RANBP2: variants seen among roughly 807,000 people sequenced by gnomAD.
The protein encoded by RANBP2 is E3 SUMO-protein ligase RanBP2.
In RANBP2, 57 loss-of-function variants were observed where a neutral mutation model predicts 303.6. That is an observed-to-expected ratio of 0.19 (90% CI 0.15 to 0.23). The LOEUF is 0.23. RANBP2 is among the 10% of genes least tolerant of loss of function. The pLI is 1.00. For synonymous variants in RANBP2, 1,167 were observed against 1,301.5 expected (o/e 0.90, Z 2.23); for missense variants, 3,138 against 3,780.8 (o/e 0.83, Z 4.46).
the RANBP2 span, among the ~76,000 whole-genome samples, chr2:109,259,779 A>G: frequency 6.6e-6 from 1 of 152,176 alleles, no homozygotes; most frequent in Non-Finnish European, 1.5e-5. Context: ...AGGGAGCTTT[A>G]TTCAGACAAG....
the RANBP2 span, among the ~76,000 whole-genome samples, chr2:109,007,487 A>T: frequency 6.6e-6 from 1 of 152,160 alleles, no homozygotes; most frequent in African/African-American, 2.4e-5. Context: ...AACTCATCCC[A>T]TATTTACTGC....
the RANBP2 span, among the ~76,000 whole-genome samples, chr2:109,445,905 CAT>C: frequency 6.6e-6 from 1 of 152,034 alleles, no homozygotes; most frequent in African/African-American, 2.4e-5. Flanking sequence ...ATACTAGGGA[CAT>C]AGAATGAACT....
chr2:108,809,371 T>A, the RANBP2 span, among the ~76,000 whole-genome samples: 1 of 152,090 alleles, frequency 6.6e-6, no homozygotes, highest in East Asian at 1.9e-4. Flanking sequence ...GGTATTTTAA[T>A]AAACATTATG....
chr2:109,444,926 T>A, the RANBP2 span, among the ~76,000 whole-genome samples: 357 of 151,998 alleles, frequency 2.3e-3, no homozygotes, highest in African/African-American at 8.0e-3. Flanking sequence ...GAATAACATA[T>A]ACACACACAA....
At chr2:109,130,928 G>T in the RANBP2 span, among the ~76,000 whole-genome samples, 1 of 152,124 alleles carries the variant, frequency 6.6e-6, no homozygotes, top group Non-Finnish European at 1.5e-5. Context: ...CCAGGAGAGA[G>T]GGCATGGGAT....
chr2:108,812,673 G>C, the RANBP2 span: 4 of 1,612,942 alleles, frequency 2.5e-6, no homozygotes, highest in Non-Finnish European at 3.4e-6. Context: ...AGACATTCAG[G>C]CTAAAAGAGT....
chr2:108,819,242 G>C, the RANBP2 span, among the ~76,000 whole-genome samples: 1 of 152,170 alleles, frequency 6.6e-6, no homozygotes, highest in Non-Finnish European at 1.5e-5. Flanking sequence ...CCTTCAAAAG[G>C]AGTGGAAAAG....
At chr2:108,775,370 CTCTT>C (rs2149310015) in intron 23 of RANBP2, among the ~76,000 whole-genome samples, 1 of 152,210 alleles carries the variant, frequency 6.6e-6, no homozygotes, top group African/African-American at 2.4e-5. Flanking sequence ...AAAGTAGAGT[CTCTT>C]TTTTTGCTGA....
At chr2:109,172,075 A>G in the RANBP2 span, among the ~76,000 whole-genome samples, 2 of 152,232 alleles carry the variant, frequency 1.3e-5, no homozygotes, top group Non-Finnish European at 2.9e-5. Context: ...GCACGAGGGA[A>G]AACTTGATAT....
At chr2:109,058,904 G>C in the RANBP2 span, among the ~76,000 whole-genome samples, 1 of 152,306 alleles carries the variant, frequency 6.6e-6, no homozygotes, top group African/African-American at 2.4e-5. Context: ...TTTCGCCTCT[G>C]CTGATAGCAC....
At chr2:109,274,765 A>G in the RANBP2 span, among the ~76,000 whole-genome samples, 3 of 152,294 alleles carry the variant, frequency 2.0e-5, no homozygotes, top group Admixed American at 6.5e-5. Context: ...TCACTTTAAA[A>G]TGGTTAATTT....
the RANBP2 span, among the ~76,000 whole-genome samples, chr2:109,320,625 T>G: frequency 6.6e-6 from 1 of 152,242 alleles, no homozygotes; most frequent in East Asian, 1.9e-4. Context: ...CCAAAATCAG[T>G]GCTGGATTCC....
chr2:109,680,496 C>T, the RANBP2 span, among the ~76,000 whole-genome samples: 2 of 152,080 alleles, frequency 1.3e-5, no homozygotes, highest in African/African-American at 4.8e-5. Flanking sequence ...TATGTAACAT[C>T]CCTGTGTCTC....
At chr2:109,371,214 C>T in the RANBP2 span, among the ~76,000 whole-genome samples, 1 of 152,194 alleles carries the variant, frequency 6.6e-6, no homozygotes, top group Admixed American at 6.5e-5. Flanking sequence ...CATGGCAAGA[C>T]ACCATCTCTA....
the RANBP2 span, among the ~76,000 whole-genome samples, chr2:109,445,426 A>G: frequency 1.3e-5 from 2 of 152,220 alleles, no homozygotes; most frequent in Non-Finnish European, 2.9e-5. Context: ...ATACTACAAA[A>G]CCTGCCAGAG....
chr2:109,326,460 A>G, the RANBP2 span, among the ~76,000 whole-genome samples: 1 of 152,168 alleles, frequency 6.6e-6, no homozygotes, highest in Non-Finnish European at 1.5e-5. Context: ...TTGCACTCCT[A>G]CCAGCAGTGG....
At chr2:108,783,117 T>C (rs1678369638) in intron 28 of RANBP2, among the ~76,000 whole-genome samples, 1 of 151,848 alleles carries the variant, frequency 6.6e-6, no homozygotes, top group Non-Finnish European at 1.5e-5. Flanking sequence ...GGCAGGCAGA[T>C]TGCTTGAGCC....
the RANBP2 span, among the ~76,000 whole-genome samples, chr2:109,474,561 T>G: frequency 4.6e-5 from 7 of 152,294 alleles, no homozygotes; most frequent in East Asian, 1.4e-3. Context: ...GCACGGGGCT[T>G]ATAGCCATGG....
chr2:109,045,125 G>T, the RANBP2 span, among the ~76,000 whole-genome samples: 2 of 152,106 alleles, frequency 1.3e-5, no homozygotes, highest in African/African-American at 2.4e-5. Flanking sequence ...TGTTCTAAGT[G>T]CAGGGACATC....
Sources: allele counts gnomAD v4.1 joint callset (sites outside exome capture counted in the v4.1 genomes callset), GRCh38; gene constraint gnomAD v4.1.1; transcripts MANE v1.5; gene names NCBI Gene and HGNC (gene_info 2026-07-23, HGNC 2026-07-21).